Variants in RXFP4 observed in about 807,000 individuals in gnomAD.
RXFP4 encodes relaxin-3 receptor 2.
For missense variants in RXFP4, 425 were observed against 491.3 expected, an observed-to-expected ratio of 0.87 and a Z score of 1.28; for synonymous variants, 182 against 218.0, an observed-to-expected ratio of 0.83 and a Z score of 1.45.
At position 155,942,546 on chromosome 1, in the gene RXFP4, G is replaced by A. The variant is rs762644934; in HGVS notation, c.837G>A (p.Trp279Ter). 58 of 1,614,162 alleles carry A rather than the reference G, an allele frequency of 3.6e-5. No individual in the cohort carries two copies. In the Admixed American group the frequency reaches 9.3e-4, roughly 26 times the overall value. Residue 279 changes from tryptophan to a stop codon, truncating the protein, a stop_gained, in exon 1 of 1, where the codon TGG (tryptophan) becomes TGA (stop). Transcript: ENST00000368318. LOFTEE classifies it low-confidence loss of function (END_TRUNC). This position sits in a 1 kb window ranked among gnomAD's most constrained non-coding sequence, Gnocchi z 5.2. ...GVLVKFDLVP[W>*]NSTFYTIQTY... is the part of the protein sequence containing the mutation. ...TGGTGAAGTTTGACCTGGTGCCCTGGAACAGTACTTTCTATACTATCCAGA... is the reference window on the plus strand; with the variant it reads ...TGGTGAAGTTTGACCTGGTGCCCTGAAACAGTACTTTCTATACTATCCAGA...
At position 155,942,054 on chromosome 1, in the gene RXFP4, G is replaced by C. The variant is rs768269224; in HGVS notation, c.345G>C (p.Lys115Asn). The change falls in exon 1 of 1, where the codon AAG (lysine) becomes AAC (asparagine). Residue 115 changes from lysine to asparagine, a missense_variant. Lys to Asn is a moderately conservative substitution (Grantham distance 94, BLOSUM62 0). Coordinates refer to ENST00000368318, the MANE Select transcript of RXFP4 (RefSeq NM_181885.3). The surrounding 1 kb of genome is among the most constrained non-coding windows in gnomAD (Gnocchi z 5.2). ...FHWPFGGALC[K>N]MVLTATVLNV... ...GGCCCTTCGGAGGTGCCCTCTGCAA[G>C]ATGGTTCTGACGGCCACTGTCCTCA... is the stretch of plus-strand genomic sequence containing the variant. 3 of 1,611,414 alleles carry C rather than the reference G, an allele frequency of 1.9e-6. No homozygotes were observed. Among genetic ancestry groups the C allele is most frequent in the Non-Finnish European group, 8.5e-7 (1 of 1,180,030 alleles).
rs775873657 is a variant in RXFP4, at chr1:155,942,866, AGATCCACCAAGTGTAG to A, written c.*38_*53del. On this transcript the variant is annotated 3_prime_UTR_variant, in exon 1 of 1. Coordinates refer to ENST00000368318, the MANE Select transcript of RXFP4 (RefSeq NM_181885.3). This position sits in a 1 kb window ranked among gnomAD's most constrained non-coding sequence, Gnocchi z 5.2. Reference sequence around the variant, plus strand: ...CAAGCTGAACACACTCCTCTTTCTGAGATCCACCAAGTGTAGGATCCTTGAGTCCTGGGGAGAAGCT... The same window carrying A: ...CAAGCTGAACACACTCCTCTTTCTGAGATCCTTGAGTCCTGGGGAGAAGCT... 1.5e-5 allele frequency: 22 copies of A among 1,489,134 alleles called. No individual in the cohort carries two copies. The highest frequency in any genetic ancestry group is 2.0e-5 in the Non-Finnish European group (22 of 1,125,838). The allele number at this position is 1,489,134 out of a possible 1,614,324, so 92.2% of individuals were successfully genotyped here.
chr1:155,942,040 G>A lies in RXFP4; in HGVS notation c.331G>A (p.Gly111Ser). The A allele has an allele frequency of 6.2e-7, 1 of 1,611,800 alleles. No individual in the cohort carries two copies. The highest frequency in any genetic ancestry group is 1.1e-5 in the South Asian group (1 of 91,090). ...ACTGGACTTTCACTGGCCCTTCGGA[G>A]GTGCCCTCTGCAAGATGGTTCTGAC... The part of the protein sequence containing the change: ...SALDFHWPFG[G>S]ALCKMVLTAT... The change falls in exon 1 of 1, where the codon GGT becomes AGT. Residue 111 changes from glycine (G) to serine (S), a missense_variant. Coordinates refer to ENST00000368318, the MANE Select transcript of RXFP4 (RefSeq NM_181885.3). The surrounding 1 kb of genome is among the most constrained non-coding windows in gnomAD (Gnocchi z 5.2).
chr1:155,942,339 G>A lies in RXFP4; in HGVS notation c.630G>A (p.Val210=). ...WLGAYQLQRV[V]LAFMVPLGVI... ...GGGCCTACCAGCTGCAGAGGGTGGT[G>A]CTGGCTTTCATGGTGCCCTTGGGCG... Residue 210 remains valine (V), a synonymous_variant, in exon 1 of 1, where the codon GTG becomes GTA. Coordinates refer to ENST00000368318, the MANE Select transcript of RXFP4 (RefSeq NM_181885.3). The surrounding 1 kb of genome is among the most constrained non-coding windows in gnomAD (Gnocchi z 5.2). 6.4e-7 allele frequency: 1 copy of A among 1,563,326 alleles called. No homozygotes were observed. Among genetic ancestry groups the A allele is most frequent in the Non-Finnish European group, 8.7e-7 (1 of 1,151,646 alleles).
rs1674344017 is a variant in RXFP4, at chr1:155,942,980, T to C, written c.*146T>C. On this transcript the variant is annotated 3_prime_UTR_variant, in exon 1 of 1. Transcript: ENST00000368318. This position sits in a 1 kb window ranked among gnomAD's most constrained non-coding sequence, Gnocchi z 5.2. ...GATCCCCAACTCTGGGTGTGGTGAA[T>C]GGGGGAGGCGGGGGCTCAGATCAGA... 2.7e-6 allele frequency: 2 copies of C among 744,726 alleles called. No individual in the cohort carries two copies. Among genetic ancestry groups the C allele is most frequent in the East Asian group, 5.7e-5 (2 of 34,824 alleles). The allele number at this position is 744,726 out of a possible 1,614,324, so 46.1% of individuals were successfully genotyped here. A position where few individuals can be genotyped will look rare whatever the true frequency, so the allele number is the denominator to read the frequency against.
rs940782121 is a variant in RXFP4 at position 155,942,314 on chromosome 1, G to T, written c.605G>T (p.Gly202Val). The change falls in exon 1 of 1, where the codon GGG becomes GTG. Residue 202 changes from glycine to valine, a missense_variant. By Grantham distance (109) the Gly-to-Val change is moderately radical. Coordinates refer to ENST00000368318, the MANE Select transcript of RXFP4 (RefSeq NM_181885.3). The surrounding 1 kb of genome is among the most constrained non-coding windows in gnomAD (Gnocchi z 5.2). ...LLRFPSRYWL[G>V]AYQLQRVVLA... ...CGTTTCCCCAGCAGGTACTGGCTGG[G>T]GGCCTACCAGCTGCAGAGGGTGGTG... The T allele has an allele frequency of 2.5e-6, 4 of 1,582,026 alleles. No homozygotes were observed. In the African/African-American group the frequency reaches 4.0e-5, roughly 16 times the overall value.
Position 155,942,199 on chromosome 1 carries a change from G to A in RXFP4, c.490G>A (p.Ala164Thr). 1 of 1,614,008 alleles carries A rather than the reference G, an allele frequency of 6.2e-7. No homozygotes were observed. Among genetic ancestry groups the A allele is most frequent in the African/African-American group, 1.3e-5 (1 of 75,080 alleles). ...SLFWARIATL[A>T]VWAAAALVTV... is the part of the protein sequence containing the mutation. ...CTTCTGGGCCCGAATAGCCACCCTG[G>A]CAGTGTGGGCGGCGGCTGCCCTGGT... Residue 164 changes from alanine (A) to threonine (T), a missense_variant, in exon 1 of 1, where the codon GCA (alanine) becomes ACA (threonine). Ala to Thr is a moderately conservative substitution (Grantham distance 58, BLOSUM62 0). Transcript: ENST00000368318. The surrounding 1 kb of genome is among the most constrained non-coding windows in gnomAD (Gnocchi z 5.2).
At position 155,941,767 on chromosome 1, in the gene RXFP4, G is replaced by A. The variant is rs762715919; in HGVS notation, c.58G>A (p.Gly20Arg). The A allele has an allele frequency of 1.2e-5, 19 of 1,614,074 alleles. No homozygotes were observed. The highest frequency in any genetic ancestry group is 5.3e-5 in the African/African-American group (4 of 74,924). Residue 20 changes from glycine (G) to arginine (R), a missense_variant, in exon 1 of 1, where the codon GGA becomes AGA. Gly to Arg is a moderately radical substitution (Grantham distance 125). Coordinates refer to ENST00000368318, the MANE Select transcript of RXFP4 (RefSeq NM_181885.3). The part of the protein sequence containing the change: ...PPTFFWANAS[G>R]GSVLSADDAP... ...CACATTCTTCTGGGCCAATGCCTCC[G>A]GAGGCAGTGTGCTGAGTGCTGATGA...
Position 155,941,788 on chromosome 1 carries a change from GA to G in RXFP4, c.80del (p.Asp27ValfsTer10), listed in dbSNP as rs752754679. On this transcript the variant is annotated frameshift_variant, in exon 1 of 1. Coordinates refer to ENST00000368318, the MANE Select transcript of RXFP4 (RefSeq NM_181885.3). LOFTEE classifies it low-confidence loss of function (END_TRUNC). ...NASGGSVLSA[D>X]DAPMPVKFLA... ...CTCCGGAGGCAGTGTGCTGAGTGCT[GA>G]TGATGCTCCGATGCCTGTCAAATTC... 3 of 1,614,244 alleles carry G rather than the reference GA, an allele frequency of 1.9e-6. No individual in the cohort carries two copies. The highest frequency in any genetic ancestry group is 2.5e-6 in the Non-Finnish European group (3 of 1,180,034).
Position 155,942,475 on chromosome 1 carries a change from T to G in RXFP4, c.766T>G (p.Phe256Val). Residue 256 changes from phenylalanine (F) to valine (V), a missense_variant, in exon 1 of 1, where the codon TTC (phenylalanine) becomes GTC (valine). Transcript: ENST00000368318. This position sits in a 1 kb window ranked among gnomAD's most constrained non-coding sequence, Gnocchi z 5.2. Reference sequence around the variant, plus strand: ...TGTCCGCATCCTGGTGGCTTCCTTCTTCCTCTGCTGGTTTCCCAACCATGT... The same window carrying G: ...TGTCCGCATCCTGGTGGCTTCCTTCGTCCTCTGCTGGTTTCCCAACCATGT... Reference protein sequence around the residue: ...RSVRILVASFFLCWFPNHVVT... With the variant: ...RSVRILVASFVLCWFPNHVVT... 1 of 1,605,294 alleles carries G rather than the reference T, an allele frequency of 6.2e-7. No individual in the cohort carries two copies. The highest frequency in any genetic ancestry group is 8.5e-7 in the Non-Finnish European group (1 of 1,174,590).
At position 155,942,854 on chromosome 1, in the gene RXFP4, C is replaced by G; in HGVS notation, c.*20C>G. 1 of 1,492,260 alleles carries G rather than the reference C, an allele frequency of 6.7e-7. No individual in the cohort carries two copies. The allele number at this position is 1,492,260 out of a possible 1,614,324, so 92.4% of individuals were successfully genotyped here. ...GGGTGAAGGGCGCAAGCTGAACACACTCCTCTTTCTGAGATCCACCAAGTG... is the reference window on the plus strand; with the variant it reads ...GGGTGAAGGGCGCAAGCTGAACACAGTCCTCTTTCTGAGATCCACCAAGTG... On this transcript the variant is annotated 3_prime_UTR_variant, in exon 1 of 1. Coordinates refer to ENST00000368318, the MANE Select transcript of RXFP4 (RefSeq NM_181885.3). This position sits in a 1 kb window ranked among gnomAD's most constrained non-coding sequence, Gnocchi z 5.2.
chr1:155,942,287 T>G lies in RXFP4; in HGVS notation c.578T>G (p.Leu193Arg). Reference protein sequence around the residue: ...GEVCGVRLCLLRFPSRYWLGA... With the variant: ...GEVCGVRLCLRRFPSRYWLGA... ...GTGTGTGGTGTGCGCCTTTGCCTGC[T>G]GCGTTTCCCCAGCAGGTACTGGCTG... Residue 193 changes from leucine (L) to arginine (R), a missense_variant, in exon 1 of 1, where the codon CTG (leucine) becomes CGG (arginine). Physicochemically the swap from Leu to Arg is moderately radical, Grantham distance 102. Transcript: ENST00000368318. This position sits in a 1 kb window ranked among gnomAD's most constrained non-coding sequence, Gnocchi z 5.2. The G allele has an allele frequency of 6.2e-7, 1 of 1,602,404 alleles. No homozygotes were observed. Among genetic ancestry groups the G allele is most frequent in the Non-Finnish European group, 8.5e-7 (1 of 1,172,230 alleles).
chr1:155,942,269 G>A lies in RXFP4; in HGVS notation c.560G>A (p.Gly187Asp), dbSNP rs1326681523. 7 of 1,610,564 alleles carry A rather than the reference G, an allele frequency of 4.3e-6. No individual in the cohort carries two copies. The highest frequency in any genetic ancestry group is 5.9e-6 in the Non-Finnish European group (7 of 1,177,836). Residue 187 changes from glycine (G) to aspartate (D), a missense_variant, in exon 1 of 1, where the codon GGT (glycine) becomes GAT (aspartate). Transcript: ENST00000368318. This position sits in a 1 kb window ranked among gnomAD's most constrained non-coding sequence, Gnocchi z 5.2. ...AVFGVEGEVC[G>D]VRLCLLRFPS... Reference sequence around the variant, plus strand: ...TTCGGGGTGGAGGGTGAGGTGTGTGGTGTGCGCCTTTGCCTGCTGCGTTTC... The same window carrying A: ...TTCGGGGTGGAGGGTGAGGTGTGTGATGTGCGCCTTTGCCTGCTGCGTTTC...
In RXFP4 at chr1:155,941,687, C is replaced by A; in HGVS notation, c.-23C>A. 1 of 1,608,176 alleles carries A rather than the reference C, an allele frequency of 6.2e-7. No individual in the cohort carries two copies. The highest frequency in any genetic ancestry group is 8.5e-7 in the Non-Finnish European group (1 of 1,176,020). On this transcript the variant is annotated 5_prime_UTR_variant, in exon 1 of 1. Transcript: ENST00000368318. ...CACTTGCAGACCTCTCTTCTCAGCACCACCAATCTCTGATGCCCTGCGATG... is the reference window on the plus strand; with the variant it reads ...CACTTGCAGACCTCTCTTCTCAGCAACACCAATCTCTGATGCCCTGCGATG...
rs1241317541 is a variant in RXFP4 at position 155,942,259 on chromosome 1, G to A, written c.550G>A (p.Glu184Lys). 1 of 1,612,786 alleles carries A rather than the reference G, an allele frequency of 6.2e-7. No individual in the cohort carries two copies. The highest frequency in any genetic ancestry group is 8.5e-7 in the Non-Finnish European group (1 of 1,179,472). The change falls in exon 1 of 1, where the codon GAG (glutamate) becomes AAG (lysine). Residue 184 changes from glutamate (E) to lysine (K), a missense_variant. Transcript: ENST00000368318. The surrounding 1 kb of genome is among the most constrained non-coding windows in gnomAD (Gnocchi z 5.2). The stretch of plus-strand genomic sequence containing the variant: ...CACAGCTGTCTTCGGGGTGGAGGGT[G>A]AGGTGTGTGGTGTGCGCCTTTGCCT... The part of the protein sequence containing the change: ...VPTAVFGVEG[E>K]VCGVRLCLLR...
chr1:155,941,750 T>C lies in RXFP4; in HGVS notation c.41T>C (p.Phe14Ser), dbSNP rs1674314710. 4.3e-6 allele frequency: 7 copies of C among 1,614,180 alleles called. No individual in the cohort carries two copies. The highest frequency in any genetic ancestry group is 5.9e-6 in the Non-Finnish European group (7 of 1,180,000). ...LNTSASPPTFFWANASGGSVL... is the reference protein window; with the variant it reads ...LNTSASPPTFSWANASGGSVL... ...ACTTCTGCCTCTCCACCCACATTCTTCTGGGCCAATGCCTCCGGAGGCAGT... is the reference window on the plus strand; with the variant it reads ...ACTTCTGCCTCTCCACCCACATTCTCCTGGGCCAATGCCTCCGGAGGCAGT... Residue 14 changes from phenylalanine (F) to serine (S), a missense_variant, in exon 1 of 1, where the codon TTC (phenylalanine) becomes TCC (serine). Physicochemically the swap from Phe to Ser is radical, Grantham distance 155. Coordinates refer to ENST00000368318, the MANE Select transcript of RXFP4 (RefSeq NM_181885.3).
In RXFP4 at chr1:155,942,451, G is replaced by T. The variant is rs1364492264; in HGVS notation, c.742G>T (p.Val248Phe). ...GGACAGCAGGGTCGTGGCCCGCTCT[G>T]TCCGCATCCTGGTGGCTTCCTTCTT... ...RQDSRVVARSVRILVASFFLC... is the reference protein window; with the variant it reads ...RQDSRVVARSFRILVASFFLC... Residue 248 changes from valine (V) to phenylalanine (F), a missense_variant, in exon 1 of 1, where the codon GTC (valine) becomes TTC (phenylalanine). Physicochemically the swap from Val to Phe is conservative, Grantham distance 50. Transcript: ENST00000368318. The surrounding 1 kb of genome is among the most constrained non-coding windows in gnomAD (Gnocchi z 5.2). 7 of 1,590,052 alleles carry T rather than the reference G, an allele frequency of 4.4e-6. No individual in the cohort carries two copies. The East Asian group carries it at 1.1e-4, about 25-fold the overall frequency.
chr1:155,941,954 A>G lies in RXFP4; in HGVS notation c.245A>G (p.Asn82Ser), dbSNP rs756711204. ...PGPPSDTFVF[N>S]LALADLGLAL... ...CCACCTTCAGACACCTTCGTCTTCA[A>G]CCTGGCTCTGGCGGACCTGGGACTG... Residue 82 changes from asparagine (N) to serine (S), a missense_variant, in exon 1 of 1, where the codon AAC becomes AGC. Asn to Ser is a conservative substitution (Grantham distance 46). Coordinates refer to ENST00000368318, the MANE Select transcript of RXFP4 (RefSeq NM_181885.3). The G allele has an allele frequency of 1.3e-5, 21 of 1,614,176 alleles. No homozygotes were observed. The South Asian group carries it at 2.3e-4, about 18-fold the overall frequency.
rs556614846 is a variant in RXFP4, at chr1:155,942,881, A to G, written c.*47A>G. The G allele has an allele frequency of 1.4e-6, 2 of 1,473,536 alleles. No homozygotes were observed. Among genetic ancestry groups the G allele is most frequent in the African/African-American group, 1.4e-5 (1 of 71,116 alleles). 91.3% of individuals were successfully genotyped at this position (1,473,536 alleles called of 1,614,324 possible). Reference sequence around the variant, plus strand: ...CCTCTTTCTGAGATCCACCAAGTGTAGGATCCTTGAGTCCTGGGGAGAAGC... The same window carrying G: ...CCTCTTTCTGAGATCCACCAAGTGTGGGATCCTTGAGTCCTGGGGAGAAGC... On this transcript the variant is annotated 3_prime_UTR_variant, in exon 1 of 1. Transcript: ENST00000368318. The surrounding 1 kb of genome is among the most constrained non-coding windows in gnomAD (Gnocchi z 5.2).
Sources: allele counts gnomAD v4.1 joint callset, GRCh38; gene constraint gnomAD v4.1.1; non-coding constraint Gnocchi (gnomAD v3.1); transcripts MANE v1.5; gene names NCBI Gene and HGNC (gene_info 2026-07-23, HGNC 2026-07-21).